The following NFIB variants were observed in gnomAD, a reference collection of about 807,000 sequenced individuals.
NFIB encodes nuclear factor 1 B-type.
A neutral mutation model predicts 61.5 loss-of-function variants in NFIB; 11 were observed. That is an observed-to-expected ratio of 0.18 (90% CI 0.11 to 0.30). The LOEUF is 0.30. NFIB is among the 10% of genes least tolerant of loss of function. NFIB has a pLI of 1.00. For synonymous variants in NFIB, 260 were observed against 216.5 expected, an observed-to-expected ratio of 1.20 and a Z score of -1.76; for missense variants, 471 against 608.9, an observed-to-expected ratio of 0.77 and a Z score of 2.38.
At chr9:14,268,240 T>C (rs1184876530) in intron 2 of NFIB, among the ~76,000 whole-genome samples, 3 of 152,172 alleles carry the variant, frequency 2.0e-5, no homozygotes. Context: ...TCCATTTTCT[T>C]CCTTCATTCC....
the NFIB span, among the ~76,000 whole-genome samples, chr9:14,424,541 C>A: frequency 6.6e-6 from 1 of 152,150 alleles, no homozygotes; most frequent in African/African-American, 2.4e-5. Context: ...AACGACATTC[C>A]TCGGACTACC....
At chr9:14,393,796 T>G (rs1186521547) in intron 1 of NFIB, among the ~76,000 whole-genome samples, 1 of 152,262 alleles carries the variant, frequency 6.6e-6, no homozygotes, top group Non-Finnish European at 1.5e-5. Context: ...CACTAGTGAC[T>G]GCCTTATTTT....
chr9:14,097,296 T>C (rs2034945769), intron 10 of NFIB, among the ~76,000 whole-genome samples: 1 of 152,176 alleles, frequency 6.6e-6, no homozygotes, highest in Non-Finnish European at 1.5e-5. Context: ...CATATCAGCA[T>C]TTCTATCATA....
intron 1 of NFIB, among the ~76,000 whole-genome samples, chr9:14,374,743 C>T (rs1221440288): frequency 6.6e-6 from 1 of 152,052 alleles, no homozygotes; most frequent in Non-Finnish European, 1.5e-5. Flanking sequence ...AACCCTGTCT[C>T]TACTAAAAAT....
At chr9:14,420,711 C>G in the NFIB span, among the ~76,000 whole-genome samples, 4 of 152,098 alleles carry the variant, frequency 2.6e-5, no homozygotes, top group African/African-American at 4.8e-5. Context: ...GGATAATTAA[C>G]ACCAGAGAAA....
At chr9:14,145,167 T>A (rs1171530287) in intron 6 of NFIB, among the ~76,000 whole-genome samples, 1 of 152,100 alleles carries the variant, frequency 6.6e-6, no homozygotes, top group Non-Finnish European at 1.5e-5. Context: ...CAGTTGAGTT[T>A]CATATCCTTG....
Position 14,103,380 on chromosome 9 carries a change from A to G in NFIB, c.1467+9619T>C, listed in dbSNP as rs535558423. Among the ~76,000 whole-genome samples, 47 of 152,200 alleles carry G rather than the reference A, an allele frequency of 3.1e-4. 1 individual carries two copies. The South Asian group carries it at 9.1e-3, about 30-fold the overall frequency. ...ACACAGTAGAAAATCATCGTTTTTA[A>G]CCTTCAGATGGCCACACTGTAAATT... On this transcript the variant is annotated intron_variant, in intron 10 of 10. Transcript: ENST00000380953.
intron 2 of NFIB, among the ~76,000 whole-genome samples, chr9:14,230,989 G>C: frequency 6.6e-6 from 1 of 151,472 alleles, no homozygotes; most frequent in East Asian, 2.0e-4. Flanking sequence ...CGGAGAAATG[G>C]AGTTCGCAAG....
At chr9:14,513,629 A>AG in the NFIB span, among the ~76,000 whole-genome samples, 3 of 146,392 alleles carry the variant, frequency 2.0e-5, no homozygotes, top group Non-Finnish European at 4.5e-5. Context: ...CTCCATCTCA[A>AG]AAAAAAAAAA....
the NFIB span, among the ~76,000 whole-genome samples, chr9:14,469,981 T>C: frequency 2.6e-5 from 4 of 152,216 alleles, no homozygotes; most frequent in Admixed American, 2.6e-4. Context: ...GTGTGTGTTT[T>C]AAAGAACTAT....
At chr9:14,447,187 C>A in the NFIB span, among the ~76,000 whole-genome samples, 1 of 152,056 alleles carries the variant, frequency 6.6e-6, no homozygotes, top group African/African-American at 2.4e-5. Context: ...CAATTTATTT[C>A]TTTAATATTA....
At chr9:14,231,564 G>A (rs545618714) in intron 2 of NFIB, among the ~76,000 whole-genome samples, 21 of 152,160 alleles carry the variant, frequency 1.4e-4, no homozygotes, top group Admixed American at 1.2e-3. Context: ...ATTTACTCCA[G>A]GTCTATTATG....
At chr9:14,328,429 G>C (rs1211961200) in intron 1 of NFIB, among the ~76,000 whole-genome samples, 2 of 152,062 alleles carry the variant, frequency 1.3e-5, no homozygotes, top group Non-Finnish European at 2.9e-5. Context: ...TATTATAGGC[G>C]TGAGCCATGG....
chr9:14,512,048 TTTACA>T, the NFIB span, among the ~76,000 whole-genome samples: 1 of 152,198 alleles, frequency 6.6e-6, no homozygotes, highest in Non-Finnish European at 1.5e-5. Flanking sequence ...CTCAGTACAA[TTTACA>T]TTACTTGTCT....
the NFIB span, among the ~76,000 whole-genome samples, chr9:14,500,320 T>A: frequency 6.6e-6 from 1 of 152,192 alleles, no homozygotes; most frequent in African/African-American, 2.4e-5. Context: ...GAAAGAAGAC[T>A]ATTCCAGAAA....
chr9:14,493,933 G>A, the NFIB span, among the ~76,000 whole-genome samples: 2 of 152,316 alleles, frequency 1.3e-5, no homozygotes, highest in Admixed American at 1.3e-4. Flanking sequence ...TTCCTTTGAA[G>A]TAGATCAGTT....
chr9:14,162,862 T>C (rs184072783), intron 3 of NFIB, among the ~76,000 whole-genome samples: 1 of 152,260 alleles, frequency 6.6e-6, no homozygotes, highest in Admixed American at 6.5e-5. Context: ...TACAGTTTAC[T>C]AAGTGGGCTA....
the NFIB span, among the ~76,000 whole-genome samples, chr9:14,469,727 T>C: frequency 6.6e-6 from 1 of 152,194 alleles, no homozygotes; most frequent in East Asian, 1.9e-4. Flanking sequence ...ATATCCAGCC[T>C]GCATTCCTTA....
chr9:14,330,591 T>C (rs2060809057), intron 1 of NFIB, among the ~76,000 whole-genome samples: 1 of 152,224 alleles, frequency 6.6e-6, no homozygotes, highest in Non-Finnish European at 1.5e-5. Context: ...GAAAATGGGA[T>C]TTGATGACAA....
Sources: allele counts gnomAD v4.1 joint callset (sites outside exome capture counted in the v4.1 genomes callset), GRCh38; gene constraint gnomAD v4.1.1; transcripts MANE v1.5; gene names NCBI Gene and HGNC (gene_info 2026-07-23, HGNC 2026-07-21).